The following RDH10 variants were observed in gnomAD, a reference collection of about 807,000 sequenced individuals.
RDH10 encodes the protein retinol dehydrogenase 10.
In RDH10, 12 loss-of-function variants were observed where a neutral mutation model predicts 30.2. The observed-to-expected ratio is 0.40, with a 90% CI of 0.25 to 0.64. The LOEUF is 0.64. RDH10 is among the 30% of genes least tolerant of loss of function. The pLI is 0.43. For synonymous variants in RDH10, 189 were observed against 172.2 expected (o/e 1.10, Z -0.76); for missense variants, 268 against 445.2 (o/e 0.60, Z 3.58).
At chr8:73,306,292 G>A (rs1814462209) in intron 2 of RDH10, among the ~76,000 whole-genome samples, 2 of 152,324 alleles carry the variant, frequency 1.3e-5, no homozygotes, top group South Asian at 2.1e-4. Context: ...GGATGCGAGG[G>A]GACGCAAACC....
chr8:73,305,218 T>G (rs1002060341), intron 2 of RDH10, among the ~76,000 whole-genome samples: 2 of 152,226 alleles, frequency 1.3e-5, no homozygotes, highest in Admixed American at 1.3e-4. Flanking sequence ...ACTCCACTTA[T>G]TCTCTTCTCC....
intron 2 of RDH10, among the ~76,000 whole-genome samples, chr8:73,308,737 G>C (rs1479195768): frequency 2.0e-5 from 3 of 152,120 alleles, no homozygotes; most frequent in Non-Finnish European, 4.4e-5. Flanking sequence ...TTGCACTAGG[G>C]GCTCTTGGCA....
At chr8:73,315,597 A>G (rs757534421) in intron 2 of RDH10, 4 of 455,842 alleles carry the variant, frequency 8.8e-6, no homozygotes, top group South Asian at 4.6e-5. Context: ...TGGATTAGTC[A>G]TTTAATACCT....
chr8:73,318,845 C>T (rs1418885451), intron 2 of RDH10, among the ~76,000 whole-genome samples: 2 of 152,208 alleles, frequency 1.3e-5, no homozygotes, highest in African/African-American at 4.8e-5. Context: ...CTTTTTATCT[C>T]TAGACACTGT....
chr8:73,297,504 G>A (rs2130353842), intron 2 of RDH10, 75 bp downstream of exon 2: 1 of 1,118,378 alleles, frequency 8.9e-7, no homozygotes, highest in East Asian at 2.3e-5. Flanking sequence ...AGACTTCAGT[G>A]CCAGCCTGAA....
chr8:73,313,480 C>G (rs1488033013), intron 2 of RDH10: 1 of 150,726 alleles, frequency 6.6e-6, no homozygotes, highest in East Asian at 1.9e-4. Context: ...TTTTTTTAAT[C>G]ACACAGCAAC....
In RDH10 at chr8:73,294,941, G is replaced by A. The variant is rs1814227479; in HGVS notation, c.-349G>A. 2 of 393,986 alleles carry A rather than the reference G, an allele frequency of 5.1e-6. No homozygotes were observed. Among genetic ancestry groups the A allele is most frequent in the Non-Finnish European group, 9.0e-6 (2 of 222,978 alleles). The allele number at this position is 393,986 out of a possible 1,614,324, so 24.4% of individuals were successfully genotyped here. ...CGGGCGGCAGCAGCTTGGCCATGAG[G>A]GCAGTTCGAGTAGTCTAACTCGCGG... On this transcript the variant is annotated 5_prime_UTR_variant, in exon 1 of 6. Transcript: ENST00000240285.
rs1168911897 is a variant in RDH10, at chr8:73,297,201, T to C, written c.297T>C (p.Asn99=). The change falls in exon 2 of 6, where the codon AAT becomes AAC. Residue 99 remains asparagine, a synonymous_variant. Coordinates refer to ENST00000240285, the MANE Select transcript of RDH10 (RefSeq NM_172037.5). ...AADAAALQAG[N]GEEEILPHCN... ...CTGGACTTCTGAGGACAGCTGGGAATGGTGAGGAAGAAATTCTGCCCCACT... is the reference window on the plus strand; with the variant it reads ...CTGGACTTCTGAGGACAGCTGGGAACGGTGAGGAAGAAATTCTGCCCCACT... The C allele has an allele frequency of 6.2e-7, 1 of 1,602,052 alleles. No homozygotes were observed. The highest frequency in any genetic ancestry group is 8.6e-7 in the Non-Finnish European group (1 of 1,168,862).
At chr8:73,318,640 AT>A (rs1814715063) in intron 2 of RDH10, among the ~76,000 whole-genome samples, 1 of 152,262 alleles carries the variant, frequency 6.6e-6, no homozygotes, top group Non-Finnish European at 1.5e-5. Context: ...TGATAGGTCT[AT>A]TACTACGTAG....
At chr8:73,314,768 A>C (rs966691261) in intron 2 of RDH10, among the ~76,000 whole-genome samples, 5 of 152,220 alleles carry the variant, frequency 3.3e-5, no homozygotes, top group African/African-American at 1.2e-4. Flanking sequence ...TTGTTATAGT[A>C]ATTGCAGTGT....
Position 73,324,319 on chromosome 8 carries a change from A to G in RDH10, c.*1283A>G, listed in dbSNP as rs1814828113. The G allele has an allele frequency of 6.5e-6, 1 of 152,678 alleles. No homozygotes were observed. The highest frequency in any genetic ancestry group is 2.1e-4 in the South Asian group (1 of 4,836). 9.5% of individuals were successfully genotyped at this position (152,678 alleles called of 1,614,324 possible). ...TTTTTACAGTATTTTTTTGTAAAGC[A>G]AACTATTTTGTGCCTTGAATTTGGT... On this transcript the variant is annotated 3_prime_UTR_variant, in exon 6 of 6. Coordinates refer to ENST00000240285, the MANE Select transcript of RDH10 (RefSeq NM_172037.5).
chr8:73,316,745 CAG>C (rs1381099675), intron 2 of RDH10, among the ~76,000 whole-genome samples: 1 of 152,118 alleles, frequency 6.6e-6, no homozygotes, highest in Non-Finnish European at 1.5e-5. Flanking sequence ...GGGGAAGACT[CAG>C]GGAGCTTTCA....
chr8:73,318,915 C>T (rs539735276), intron 2 of RDH10, among the ~76,000 whole-genome samples, 181 bp from the exon 3 acceptor site: 6 of 152,050 alleles, frequency 3.9e-5, no homozygotes, highest in Non-Finnish European at 7.4e-5. Flanking sequence ...CCTGCCATGC[C>T]GATGATACAG....
At chr8:73,317,931 CA>C (rs1291106302) in intron 2 of RDH10, among the ~76,000 whole-genome samples, 50 of 135,098 alleles carry the variant, frequency 3.7e-4, no homozygotes, top group East Asian at 2.4e-3. Context: ...CACCCCCGCC[CA>C]AAAAAAAAAA....
chr8:73,298,860 G>C (rs1312082808), intron 2 of RDH10, among the ~76,000 whole-genome samples: 1 of 152,128 alleles, frequency 6.6e-6, no homozygotes, highest in Non-Finnish European at 1.5e-5. Context: ...TGTTGCCCAG[G>C]CTGGAGTACA....
intron 2 of RDH10, among the ~76,000 whole-genome samples, chr8:73,306,298 A>C (rs1212607181): frequency 1.3e-5 from 2 of 152,256 alleles, no homozygotes; most frequent in East Asian, 1.9e-4. Context: ...GAGGGGACGC[A>C]AACCTTTTCA....
chr8:73,298,829 T>C (rs187446998), intron 2 of RDH10, among the ~76,000 whole-genome samples: 257 of 152,000 alleles, frequency 1.7e-3, no homozygotes, highest in African/African-American at 5.9e-3. Context: ...GTTTATTTAT[T>C]TTGAGATGGA....
chr8:73,294,903 T>G lies in RDH10; in HGVS notation c.-387T>G. ...GGGTGAGAGGGAGCCGGCGCGCCGG[T>G]TCCGGGGACGCTCGGGCGGCAGCAG... On this transcript the variant is annotated 5_prime_UTR_variant, in exon 1 of 6. Transcript: ENST00000240285. The G allele has an allele frequency of 1.0e-5, 4 of 389,232 alleles. No homozygotes were observed. The highest frequency in any genetic ancestry group is 2.1e-5 in the African/African-American group (1 of 48,168). 24.1% of individuals were successfully genotyped at this position (389,232 alleles called of 1,614,324 possible). A position where few individuals can be genotyped will look rare whatever the true frequency, so the allele number is the denominator to read the frequency against.
chr8:73,303,575 T>C (rs542601611), intron 2 of RDH10, among the ~76,000 whole-genome samples: 16 of 152,324 alleles, frequency 1.1e-4, no homozygotes, highest in African/African-American at 3.8e-4. Context: ...ATATATGTCA[T>C]ATGTATAAAA....
Sources: gnomAD v4.1 joint callset for allele counts (sites outside exome capture counted in the v4.1 genomes callset) on GRCh38, gnomAD v4.1.1 for gene constraint, MANE v1.5 for transcripts, NCBI Gene and HGNC (gene_info 2026-07-23, HGNC 2026-07-21) for gene names.